The following RNF135 variants were observed in gnomAD, a reference collection of about 807,000 sequenced individuals.
The protein encoded by RNF135 is E3 ubiquitin-protein ligase RNF135.
RNF135 carries 46 observed loss-of-function variants against 41.9 expected under a neutral mutation model. That is an observed-to-expected ratio of 1.10 (90% CI 0.87 to 1.40). The LOEUF (loss-of-function observed/expected upper bound fraction) is 1.40, where lower values mean the gene tolerates loss of function less well. RNF135 is among the 40% of genes most tolerant of loss of function. RNF135 has a pLI of 0.00. For synonymous variants in RNF135, 238 were observed against 223.8 expected, an observed-to-expected ratio of 1.06 and a Z score of -0.57; for missense variants, 539 against 549.8, an observed-to-expected ratio of 0.98 and a Z score of 0.20.
chr17:30,982,650 G>C (rs1171567229), intron 1 of RNF135, among the ~76,000 whole-genome samples: 2 of 151,986 alleles, frequency 1.3e-5, no homozygotes, highest in Non-Finnish European at 2.9e-5. Flanking sequence ...CTTGTGGGAG[G>C]GATGATCAAT....
intron 3 of RNF135, among the ~76,000 whole-genome samples, chr17:30,992,824 A>C (rs1243849929): frequency 6.6e-6 from 1 of 151,352 alleles, no homozygotes; most frequent in Non-Finnish European, 1.5e-5. Context: ...TCATGTAGTA[A>C]ATTTTGTTCA....
At chr17:30,981,365 G>GGAGAGA (rs1907143350) in intron 1 of RNF135, among the ~76,000 whole-genome samples, 1 of 151,814 alleles carries the variant, frequency 6.6e-6, no homozygotes, top group Non-Finnish European at 1.5e-5. Flanking sequence ...AGAGGGAGAG[G>GGAGAGA]GAGAGGGAGA....
intron 1 of RNF135, 134 bp downstream of exon 1, chr17:30,971,579 C>T: frequency 7.4e-7 from 1 of 1,360,362 alleles, no homozygotes; most frequent in Non-Finnish European, 9.4e-7. Context: ...AAGTCGAGTT[C>T]CGCTCTTCGG....
intron 1 of RNF135, among the ~76,000 whole-genome samples, chr17:30,976,239 C>T (rs917252603): frequency 1.3e-5 from 2 of 152,084 alleles, no homozygotes; most frequent in Admixed American, 6.5e-5. Context: ...CTCCTGACCT[C>T]GTGATCCACC....
chr17:30,970,403 C>G (rs928600461), upstream of RNF135: 1 of 152,664 alleles, frequency 6.6e-6, no homozygotes, highest in Admixed American at 6.5e-5. Context: ...CAGCGCACAA[C>G]TCTGCATTAT....
At chr17:30,988,219 C>CAAATA in intron 3 of RNF135, 113 bp downstream of exon 3, 1 of 1,033,732 alleles carries the variant, frequency 9.7e-7, no homozygotes, top group Non-Finnish European at 1.5e-6. Flanking sequence ...AGCTGTATTA[C>CAAATA]CACTGTGGTG....
chr17:30,971,599 G>C (rs1296076827), intron 1 of RNF135, 154 bp downstream of exon 1: 1 of 1,356,030 alleles, frequency 7.4e-7, no homozygotes. Flanking sequence ...GAGGCACTTT[G>C]GAAAGTTCAT....
chr17:30,978,311 G>C (rs1194628594), intron 1 of RNF135, among the ~76,000 whole-genome samples: 1 of 152,056 alleles, frequency 6.6e-6, no homozygotes, highest in Non-Finnish European at 1.5e-5. Flanking sequence ...TTATTTCTTT[G>C]AATAAACTTT....
At chr17:30,977,819 G>T (rs979670937) in intron 1 of RNF135, among the ~76,000 whole-genome samples, 1 of 152,050 alleles carries the variant, frequency 6.6e-6, no homozygotes, top group Non-Finnish European at 1.5e-5. Context: ...TCCACCCGCC[G>T]TGGCCTCCCA....
the RNF135 span, among the ~76,000 whole-genome samples, chr17:30,964,519 G>A: frequency 2.6e-5 from 4 of 151,462 alleles, no homozygotes; most frequent in Non-Finnish European, 5.9e-5. Flanking sequence ...CATGAGAACC[G>A]CCTAAACCCA....
At chr17:30,995,522 C>G (rs929977122) in intron 3 of RNF135, among the ~76,000 whole-genome samples, 7 of 152,152 alleles carry the variant, frequency 4.6e-5, no homozygotes, top group African/African-American at 1.7e-4. Flanking sequence ...CATGGGCCAC[C>G]ATGCCTGGTT....
chr17:30,971,554 C>T (rs1238636676), intron 1 of RNF135, 109 bp downstream of exon 1: 40 of 1,374,620 alleles, frequency 2.9e-5, no homozygotes, highest in Non-Finnish European at 3.5e-5. Flanking sequence ...TTTTACGTTC[C>T]TTTTCTCAGT....
At chr17:30,970,847 C>T (rs544187011), upstream of RNF135, 23 of 622,798 alleles carry the variant, frequency 3.7e-5, no homozygotes, top group East Asian at 3.4e-4. Context: ...TTTCCCAGGG[C>T]AAGAGGCCGC....
Position 30,971,169 on chromosome 17 carries a change from C to A in RNF135, c.96C>A (p.Ala32=). ...GCCAGGGGCTGCTGGACTGGCCCGC[C>A]ACGCTGCCCTGCGGCCACAGCTTCT... The part of the protein sequence containing the change: ...IICQGLLDWP[A]TLPCGHSFCR... Residue 32 remains alanine (A), a synonymous_variant, in exon 1 of 5, where the codon GCC becomes GCA. Transcript: ENST00000328381. 6.5e-7 allele frequency: 1 copy of A among 1,530,444 alleles called. No individual in the cohort carries two copies. The highest frequency in any genetic ancestry group is 8.7e-7 in the Non-Finnish European group (1 of 1,144,570). 94.8% of individuals were successfully genotyped at this position (1,530,444 alleles called of 1,614,324 possible).
At chr17:30,966,870 A>G (rs1390686187), upstream of RNF135, among the ~76,000 whole-genome samples, 1 of 152,082 alleles carries the variant, frequency 6.6e-6, no homozygotes, top group Non-Finnish European at 1.5e-5. Context: ...AGAGATTATC[A>G]CTATATGACT....
chr17:30,975,818 G>C (rs993523806), intron 1 of RNF135: 3 of 980,686 alleles, frequency 3.1e-6, no homozygotes, highest in Non-Finnish European at 4.9e-6. Context: ...AGATGACTTC[G>C]TTGGCCACAG....
chr17:30,981,870 C>G (rs554059669), intron 1 of RNF135, among the ~76,000 whole-genome samples: 204 of 152,336 alleles, frequency 1.3e-3, no homozygotes, highest in Non-Finnish European at 2.3e-3. Context: ...GGCAGAGATT[C>G]TTGTTCTCTT....
chr17:30,967,779 G>GCAA (rs1419994237), upstream of RNF135, among the ~76,000 whole-genome samples: 2 of 151,620 alleles, frequency 1.3e-5, no homozygotes, highest in Non-Finnish European at 2.9e-5. Flanking sequence ...TTGGCTCATG[G>GCAA]CAACCTTCAC....
At chr17:30,998,460 T>C (rs1908516510) in intron 4 of RNF135, among the ~76,000 whole-genome samples, 1 of 152,168 alleles carries the variant, frequency 6.6e-6, no homozygotes, top group South Asian at 2.1e-4. Context: ...ATATGGTGCA[T>C]AGTGATCCGA....
Sources: allele counts gnomAD v4.1 joint callset (sites outside exome capture counted in the v4.1 genomes callset), GRCh38; gene constraint gnomAD v4.1.1; transcripts MANE v1.5; gene names NCBI Gene and HGNC (gene_info 2026-07-23, HGNC 2026-07-21).